ACACA: variants seen among roughly 807,000 people sequenced by gnomAD.
The protein encoded by ACACA is acetyl-CoA carboxylase 1.
Under a neutral mutation model 296.1 loss-of-function variants are expected in ACACA, and 103 were observed. The observed-to-expected ratio is 0.35, with a 90% confidence interval of 0.30 to 0.41. ACACA has a LOEUF of 0.41. Ranked by LOEUF, ACACA falls within the 10% of genes least tolerant of loss-of-function variation. ACACA has a pLI of 1.00. For missense variants in ACACA, 1,554 were observed against 2,989.7 expected, an observed-to-expected ratio of 0.52 and a Z score of 11.20; for synonymous variants, 953 against 1,038.6, an observed-to-expected ratio of 0.92 and a Z score of 1.58.
At chr17:37,302,705 A>G (rs2083686100) in intron 3 of ACACA, among the ~76,000 whole-genome samples, 1 of 152,212 alleles carries the variant, frequency 6.6e-6, no homozygotes, top group South Asian at 2.1e-4. Flanking sequence ...CATGAACAGA[A>G]TATTTTCTTA....
intron 1 of ACACA, among the ~76,000 whole-genome samples, chr17:37,395,979 T>C (rs2051067983): frequency 6.6e-6 from 1 of 152,230 alleles, no homozygotes; most frequent in Non-Finnish European, 1.5e-5. Flanking sequence ...TATTGCTGAA[T>C]GACATTAAGT....
At chr17:37,106,809 C>G (rs987768400) in intron 52 of ACACA, among the ~76,000 whole-genome samples, 2 of 151,536 alleles carry the variant, frequency 1.3e-5, no homozygotes, top group Non-Finnish European at 3.0e-5. Context: ...TGGGTTCCCT[C>G]TAACTAAATG....
intron 33 of ACACA, among the ~76,000 whole-genome samples, chr17:37,202,946 G>A (rs993079084): frequency 2.0e-5 from 3 of 148,346 alleles, no homozygotes; most frequent in Non-Finnish European, 4.4e-5. Flanking sequence ...CATATGTAGC[G>A]AATATGAAGA....
chr17:37,305,606 C>A (rs1167993556), intron 3 of ACACA, among the ~76,000 whole-genome samples: 2 of 152,204 alleles, frequency 1.3e-5, no homozygotes, highest in African/African-American at 4.8e-5. Flanking sequence ...CATGTACATG[C>A]CTCAGCCTGC....
chr17:37,206,281 C>T (rs2078497319), intron 32 of ACACA, among the ~76,000 whole-genome samples: 1 of 152,044 alleles, frequency 6.6e-6, no homozygotes, highest in South Asian at 2.1e-4. Flanking sequence ...ATTTATCAAA[C>T]AATGGAAGTA....
intron 51 of ACACA, 39 bp from the exon 52 acceptor site, chr17:37,111,682 G>A (rs776557750): frequency 1.3e-6 from 2 of 1,488,926 alleles, no homozygotes; most frequent in South Asian, 2.3e-5. Flanking sequence ...CAGAAATAGA[G>A]GCACTTTAAA....
chr17:37,283,220 C>T (rs769417144), intron 5 of ACACA, 47 bp downstream of exon 5: 21 of 1,612,018 alleles, frequency 1.3e-5, no homozygotes, highest in Non-Finnish European at 1.8e-5. Flanking sequence ...TGTGCTGTTC[C>T]ATGTTTTAGT....
intron 52 of ACACA, among the ~76,000 whole-genome samples, chr17:37,099,470 T>TGGAGGGCTGATGGGA (rs778100172): frequency 5.0e-4 from 63 of 124,802 alleles, no homozygotes; most frequent in South Asian, 5.1e-4. Context: ...GGCTGAGGGA[T>TGGAGGGCTGATGGGA]GGAGGGCTGA....
rs575391732 is a variant in ACACA, at chr17:37,141,378, C to T, written c.5679+8486G>A. The T allele has an allele frequency of 2.3e-5, 8 of 350,502 alleles. No homozygotes were observed. The East Asian group carries it at 6.2e-4, about 27-fold the overall frequency. 21.7% of individuals were successfully genotyped at this position (350,502 alleles called of 1,614,324 possible). Reference sequence around the variant, plus strand: ...GCCATGGTCCCAGCCCTGGATGCCACTGCCAAAGGTTCCACGGTTCCCCAT... The same window carrying T: ...GCCATGGTCCCAGCCCTGGATGCCATTGCCAAAGGTTCCACGGTTCCCCAT... On this transcript the variant is annotated intron_variant, in intron 45 of 55. Coordinates refer to ENST00000616317, the MANE Select transcript of ACACA (RefSeq NM_198834.3).
In ACACA at chr17:37,284,930, C is replaced by T. The variant is rs1362492916; in HGVS notation, c.379G>A (p.Asp127Asn). 1 of 1,614,034 alleles carries T rather than the reference C, an allele frequency of 6.2e-7. No individual in the cohort carries two copies. Among genetic ancestry groups the T allele is most frequent in the Admixed American group, 1.7e-5 (1 of 59,998 alleles). ...CGTTGAGAATCTATTTTCTTTCTGT[C>T]TCGGCCCTGCTTTACTAGGTGCAAG... ...SGLHLVKQGR[D>N]RKKIDSQRDF... Residue 127 changes from aspartate to asparagine, a missense_variant, in exon 4 of 56, where the codon GAC becomes AAC. Physicochemically the swap from Asp to Asn is conservative, Grantham distance 23 (BLOSUM62 1). Coordinates refer to ENST00000616317, the MANE Select transcript of ACACA (RefSeq NM_198834.3).
At chr17:37,171,130 A>T (rs1416791934) in intron 41 of ACACA, among the ~76,000 whole-genome samples, 1 of 152,220 alleles carries the variant, frequency 6.6e-6, no homozygotes, top group Non-Finnish European at 1.5e-5. Flanking sequence ...CGTTATATTC[A>T]TGCTAAAAGC....
intron 1 of ACACA, among the ~76,000 whole-genome samples, chr17:37,363,003 G>A (rs982145355): frequency 2.0e-5 from 3 of 148,434 alleles, no homozygotes; most frequent in African/African-American, 7.4e-5. Flanking sequence ...AAACCACCAG[G>A]GTGCTTGTTA....
chr17:37,267,629 T>A (rs1282327082), intron 10 of ACACA, among the ~76,000 whole-genome samples: 4 of 150,508 alleles, frequency 2.7e-5, no homozygotes, highest in Non-Finnish European at 1.5e-5. Context: ...GGCATGACCA[T>A]AGCTCAAGGC....
intron 43 of ACACA, among the ~76,000 whole-genome samples, chr17:37,153,214 A>G (rs2076111204): frequency 6.6e-6 from 1 of 152,240 alleles, no homozygotes; most frequent in Non-Finnish European, 1.5e-5. Context: ...GAGTTAAAAA[A>G]TATCATAGGG....
chr17:37,175,794 G>A (rs1472636129), intron 41 of ACACA, among the ~76,000 whole-genome samples: 1 of 152,070 alleles, frequency 6.6e-6, no homozygotes, highest in Non-Finnish European at 1.5e-5. Flanking sequence ...ATGACAATGA[G>A]AAAAATGTGT....
At chr17:37,239,903 A>G (rs1032445468) in intron 24 of ACACA, among the ~76,000 whole-genome samples, 3 of 152,248 alleles carry the variant, frequency 2.0e-5, no homozygotes, top group Admixed American at 2.0e-4. Context: ...TTTCACTGCC[A>G]TCTTGTGGCA....
At chr17:37,347,886 A>C (rs1449495217) in intron 1 of ACACA, among the ~76,000 whole-genome samples, 2 of 150,768 alleles carry the variant, frequency 1.3e-5, no homozygotes, top group Non-Finnish European at 3.0e-5. Context: ...AAAAAGTCAA[A>C]GAGGGCCAGG....
chr17:37,385,114 T>C (rs1266000280), intron 1 of ACACA, among the ~76,000 whole-genome samples: 1 of 152,006 alleles, frequency 6.6e-6, no homozygotes, highest in African/African-American at 2.4e-5. Flanking sequence ...TCCTAACAGG[T>C]TACCCTCCTT....
At chr17:37,099,817 A>C (rs981287614) in intron 52 of ACACA, among the ~76,000 whole-genome samples, 2 of 152,142 alleles carry the variant, frequency 1.3e-5, no homozygotes, top group African/African-American at 2.4e-5. Flanking sequence ...TCCCTGGAGA[A>C]ATAGCTGATT....
Sources: allele counts gnomAD v4.1 joint callset (sites outside exome capture counted in the v4.1 genomes callset), GRCh38; gene constraint gnomAD v4.1.1; transcripts MANE v1.5; gene names NCBI Gene and HGNC (gene_info 2026-07-23, HGNC 2026-07-21).